Variants in PDE1A observed in about 807,000 individuals in gnomAD.
PDE1A encodes the protein phosphodiesterase 1A.
A neutral mutation model predicts 61.7 loss-of-function variants in PDE1A; 35 were observed. The observed-to-expected ratio is 0.57, with a 90% CI of 0.43 to 0.75. The LOEUF is 0.75. PDE1A is among the 30% of genes least tolerant of loss of function. PDE1A has a pLI of 0.00. For missense variants in PDE1A, 597 were observed against 630.6 expected, an observed-to-expected ratio of 0.95 and a Z score of 0.57; for synonymous variants, 232 against 213.2, an observed-to-expected ratio of 1.09 and a Z score of -0.77.
chr2:182,273,386 G>A (rs1345393388), intron 1 of PDE1A, among the ~76,000 whole-genome samples: 2 of 151,808 alleles, frequency 1.3e-5, no homozygotes, highest in Non-Finnish European at 2.9e-5. Flanking sequence ...AGCATCCAAA[G>A]TTGATAGTGA....
At chr2:182,233,584 G>A (rs1277323812) in intron 4 of PDE1A, among the ~76,000 whole-genome samples, 1 of 152,036 alleles carries the variant, frequency 6.6e-6, no homozygotes, top group Non-Finnish European at 1.5e-5. Context: ...AGTACAATAA[G>A]TCAGAAATAA....
chr2:182,321,003 T>C (rs1696659283), intron 1 of PDE1A, among the ~76,000 whole-genome samples: 1 of 152,204 alleles, frequency 6.6e-6, no homozygotes. Flanking sequence ...TATTTACACA[T>C]TCAATCTCAT....
At chr2:182,568,190 T>C in the PDE1A span, among the ~76,000 whole-genome samples, 1 of 152,170 alleles carries the variant, frequency 6.6e-6, no homozygotes, top group African/African-American at 2.4e-5. Context: ...TGTAACAGTA[T>C]TGTTAAAATT....
At chr2:182,307,690 A>G (rs1574310049) in intron 1 of PDE1A, among the ~76,000 whole-genome samples, 1 of 152,144 alleles carries the variant, frequency 6.6e-6, no homozygotes, top group African/African-American at 2.4e-5. Flanking sequence ...CTTGGGCAAC[A>G]TAGCAAGATC....
At chr2:182,364,488 A>AAAAAAACAACAAC (rs1559379217) in intron 1 of PDE1A, among the ~76,000 whole-genome samples, 3 of 145,164 alleles carry the variant, frequency 2.1e-5, no homozygotes, top group African/African-American at 7.7e-5. Context: ...AAAAAAAAAA[A>AAAAAAACAACAAC]AAAAAAAAAA....
chr2:182,360,397 T>C (rs866928804), intron 1 of PDE1A, among the ~76,000 whole-genome samples: 7 of 152,074 alleles, frequency 4.6e-5, no homozygotes, highest in African/African-American at 1.7e-4. Context: ...GAGCTAACTA[T>C]AGTATACTTA....
chr2:182,175,038 T>G (rs1301113412), intron 13 of PDE1A, among the ~76,000 whole-genome samples: 2 of 152,160 alleles, frequency 1.3e-5, no homozygotes, highest in African/African-American at 4.8e-5. Flanking sequence ...AATGATGGTT[T>G]CCAGCTTCAT....
At chr2:182,693,792 A>C in the PDE1A span, among the ~76,000 whole-genome samples, 1 of 151,714 alleles carries the variant, frequency 6.6e-6, no homozygotes, top group Non-Finnish European at 1.5e-5. Flanking sequence ...GATTACAGGC[A>C]CCCACCACCA....
chr2:182,598,337 C>G, the PDE1A span, among the ~76,000 whole-genome samples: 4 of 152,016 alleles, frequency 2.6e-5, no homozygotes, highest in Non-Finnish European at 5.9e-5. Flanking sequence ...ATTGGGAGGC[C>G]GAGGCGGAGG....
chr2:182,269,380 CA>C (rs1229217403), intron 1 of PDE1A, among the ~76,000 whole-genome samples: 1 of 151,774 alleles, frequency 6.6e-6, no homozygotes, highest in Non-Finnish European at 1.5e-5. Flanking sequence ...CCCAGCTACT[CA>C]GGAGGCTGAG....
upstream of PDE1A, among the ~76,000 whole-genome samples, chr2:182,527,968 C>T (rs952217145): frequency 5.3e-5 from 8 of 152,080 alleles, no homozygotes; most frequent in South Asian, 2.1e-4. Context: ...TCCATTAAAC[C>T]GCTTTTTCTT....
the PDE1A span, among the ~76,000 whole-genome samples, chr2:182,687,370 T>C: frequency 6.6e-6 from 1 of 152,200 alleles, no homozygotes; most frequent in African/African-American, 2.4e-5. Flanking sequence ...ACATTCGCTG[T>C]TCAGCAATAT....
the PDE1A span, among the ~76,000 whole-genome samples, chr2:182,616,995 G>T: frequency 6.6e-6 from 1 of 152,158 alleles, no homozygotes; most frequent in Admixed American, 6.5e-5. Flanking sequence ...AAGTTTTGTG[G>T]TGTGTGACAA....
intron 13 of PDE1A, among the ~76,000 whole-genome samples, chr2:182,159,900 C>T (rs1691287483): frequency 6.6e-6 from 1 of 152,124 alleles, no homozygotes; most frequent in Non-Finnish European, 1.5e-5. Flanking sequence ...CTGCAGTGAG[C>T]TATGATTATG....
chr2:182,540,384 A>AAAGCAGCAGC, the PDE1A span, among the ~76,000 whole-genome samples: 1 of 77,462 alleles, frequency 1.3e-5, no homozygotes, highest in Non-Finnish European at 3.2e-5. Flanking sequence ...AAAAAAAAAA[A>AAAGCAGCAGC]AGCAGCAGCA....
At chr2:182,661,722 G>GA in the PDE1A span, among the ~76,000 whole-genome samples, 1 of 152,088 alleles carries the variant, frequency 6.6e-6, no homozygotes, top group African/African-American at 2.4e-5. Context: ...GTAATGGTTG[G>GA]ATGTAATGTA....
At chr2:182,590,217 G>A in the PDE1A span, among the ~76,000 whole-genome samples, 1 of 152,160 alleles carries the variant, frequency 6.6e-6, no homozygotes. Context: ...TATAATCTCA[G>A]CAATTTAAGA....
At chr2:182,687,929 T>C in the PDE1A span, among the ~76,000 whole-genome samples, 1 of 152,168 alleles carries the variant, frequency 6.6e-6, no homozygotes, top group Admixed American at 6.6e-5. Flanking sequence ...AGGGTATCAC[T>C]GATTGAAGAT....
intron 2 of PDE1A, among the ~76,000 whole-genome samples, chr2:182,241,583 T>A (rs1690515234): frequency 6.6e-6 from 1 of 152,234 alleles, no homozygotes. Context: ...GAACTCTTCA[T>A]GTTCCTTTAA....
Sources: gnomAD v4.1 joint callset for allele counts (sites outside exome capture counted in the v4.1 genomes callset) on GRCh38, gnomAD v4.1.1 for gene constraint, MANE v1.5 for transcripts, NCBI Gene and HGNC (gene_info 2026-07-23, HGNC 2026-07-21) for gene names.